The following MYH9 variants were observed in gnomAD, a reference collection of about 807,000 sequenced individuals.
The protein encoded by MYH9 is myosin-9.
A neutral mutation model predicts 241.9 loss-of-function variants in MYH9; 29 were observed. The observed-to-expected ratio is 0.12, with a 90% CI of 0.09 to 0.16. The LOEUF (loss-of-function observed/expected upper bound fraction) is 0.16. MYH9 is among the 10% of genes least tolerant of loss of function. The pLI, the probability that MYH9 is intolerant of heterozygous loss-of-function variation, is 1.00. For missense variants in MYH9, 1,803 were observed against 2,595.5 expected, an observed-to-expected ratio of 0.69 and a Z score of 6.63; for synonymous variants, 1,047 against 1,062.6, an observed-to-expected ratio of 0.99 and a Z score of 0.29.
intron 3 of MYH9, among the ~76,000 whole-genome samples, chr22:36,336,252 G>C (rs2017496863): frequency 6.6e-6 from 1 of 152,186 alleles, no homozygotes; most frequent in Non-Finnish European, 1.5e-5. Context: ...GAGATAACTG[G>C]GCTCATGTCA....
At chr22:36,289,389 C>T in intron 31 of MYH9, 92 bp from the exon 32 acceptor site, 1 of 1,241,060 alleles carries the variant, frequency 8.1e-7, no homozygotes, top group Non-Finnish European at 1.1e-6. Context: ...AGGAGGAGCC[C>T]AGAGGCCACG....
In MYH9 at chr22:36,294,252, C is replaced by A. The variant is rs200697030; in HGVS notation, c.3677G>T (p.Arg1226Leu). The change falls in exon 28 of 41, where the codon CGG (arginine) becomes CTG (leucine). Residue 1226 changes from arginine (R) to leucine (L), a missense_variant. Arg to Leu is a moderately radical substitution (Grantham distance 102, BLOSUM62 -2). Coordinates refer to ENST00000216181, the MANE Select transcript of MYH9 (RefSeq NM_002473.6). ...EKAKQTLENE[R>L]GELANEVKVL... is the part of the protein sequence containing the mutation. ...CTTCACCTCGTTGGCCAGCTCCCCCCGCTCGTTCTCCAGAGTCTGCTTTGC... is the reference window on the plus strand; with the variant it reads ...CTTCACCTCGTTGGCCAGCTCCCCCAGCTCGTTCTCCAGAGTCTGCTTTGC... 118 of 1,614,024 alleles carry A rather than the reference C, an allele frequency of 7.3e-5. No individual in the cohort carries two copies. Among genetic ancestry groups the A allele is most frequent in the Middle Eastern group, 4.9e-4 (3 of 6,084 alleles).
chr22:36,310,884 G>C (rs2146353343), intron 14 of MYH9, among the ~76,000 whole-genome samples: 1 of 152,026 alleles, frequency 6.6e-6, no homozygotes, highest in Non-Finnish European at 1.5e-5. Flanking sequence ...AGGAGGCTCG[G>C]GAAACATTCC....
intron 40 of MYH9, 151 bp downstream of exon 40, chr22:36,283,942 C>A (rs2016535086): frequency 2.1e-6 from 2 of 933,504 alleles, no homozygotes; most frequent in African/African-American, 3.2e-5. Flanking sequence ...AAGCTAAAGC[C>A]TCAAAGGCAA....
intron 1 of MYH9, among the ~76,000 whole-genome samples, chr22:36,378,901 C>T (rs1381982280): frequency 2.6e-5 from 4 of 151,752 alleles, no homozygotes; most frequent in East Asian, 1.9e-4. Flanking sequence ...TGGGTATGAG[C>T]GAAACCAGGG....
At chr22:36,316,484 G>A in intron 12 of MYH9, 33 bp downstream of exon 12, 1 of 1,614,018 alleles carries the variant, frequency 6.2e-7, no homozygotes, top group Non-Finnish European at 8.5e-7. Flanking sequence ...GGCCAAGGAG[G>A]CAGCAGGGTG....
At chr22:36,386,857 G>A (rs896301880) in intron 1 of MYH9, among the ~76,000 whole-genome samples, 2 of 152,278 alleles carry the variant, frequency 1.3e-5, no homozygotes, top group Non-Finnish European at 2.9e-5. Context: ...CCCAGCACAG[G>A]GAAGCGGGTG....
At chr22:36,383,565 G>A (rs1274374777) in intron 1 of MYH9, among the ~76,000 whole-genome samples, 1 of 151,630 alleles carries the variant, frequency 6.6e-6, no homozygotes, top group Non-Finnish European at 1.5e-5. Flanking sequence ...AAAGAACACC[G>A]AGCTAGAAGC....
chr22:36,284,332 A>G lies in MYH9; in HGVS notation c.5593-67T>C. ...TCTGGGCGTGCAGCCAGTCAGCCCC[A>G]CTGCCCTGCCTGTCACCCCATCTGC... is the stretch of plus-strand genomic sequence containing the variant. On this transcript the variant is annotated intron_variant, in intron 39 of 40. Transcript: ENST00000216181. 1.4e-5 allele frequency: 23 copies of G among 1,604,502 alleles called. No individual in the cohort carries two copies. In the South Asian group the frequency reaches 2.2e-4, roughly 15 times the overall value.
intron 24 of MYH9, chr22:36,297,259 CTAA>C: frequency 1.8e-6 from 1 of 554,242 alleles, no homozygotes; most frequent in Non-Finnish European, 3.2e-6. Flanking sequence ...AAGTACTCTC[CTAA>C]AGCTGGTGTT....
chr22:36,294,297 A>C lies in MYH9; in HGVS notation c.3632T>G (p.Val1211Gly). 6.2e-7 allele frequency: 1 copy of C among 1,613,548 alleles called. No individual in the cohort carries two copies. Among genetic ancestry groups the C allele is most frequent in the African/African-American group, 1.3e-5 (1 of 75,014 alleles). ...CTTTGCCTTCTCGAGGTTTGCTTTC[A>C]CCTAGCAGGGAAGAAAGCAAAGACG... Reference protein sequence around the residue: ...LAEQLEQTKRVKANLEKAKQT... With the variant: ...LAEQLEQTKRGKANLEKAKQT... Residue 1211 changes from valine to glycine, a missense_variant and splice_region_variant, in exon 28 of 41, where the codon GTG becomes GGG. Val to Gly is a moderately radical substitution (Grantham distance 109). Coordinates refer to ENST00000216181, the MANE Select transcript of MYH9 (RefSeq NM_002473.6).
In MYH9 at chr22:36,345,970, AACCCCG is replaced by A. The variant is rs1186500455; in HGVS notation, c.333+2928_333+2933del. Reference sequence around the variant, plus strand: ...CAGACCAGCCTGGCCAATATGGGGAAACCCCGTCTTTACTAAAAATACAAAAATTAG... The same window carrying A: ...CAGACCAGCCTGGCCAATATGGGGAATCTTTACTAAAAATACAAAAATTAG... On this transcript the variant is annotated intron_variant, in intron 2 of 40. Coordinates refer to ENST00000216181, the MANE Select transcript of MYH9 (RefSeq NM_002473.6). Among the ~76,000 whole-genome samples the A allele has an allele frequency of 2.6e-4, 40 of 152,274 alleles. 1 individual carries two copies. In the South Asian group the frequency reaches 7.1e-3, roughly 27 times the overall value.
intron 14 of MYH9, among the ~76,000 whole-genome samples, chr22:36,310,880 C>A (rs961240647): frequency 1.3e-5 from 2 of 151,890 alleles, no homozygotes; most frequent in Non-Finnish European, 2.9e-5. Context: ...AGAAAGGAGG[C>A]TCGGGAAACA....
At chr22:36,316,977 G>A (rs2017163339) in intron 11 of MYH9, among the ~76,000 whole-genome samples, 1 of 151,918 alleles carries the variant, frequency 6.6e-6, no homozygotes. Context: ...GTGGTCTACG[G>A]CCGTACCACC....
intron 1 of MYH9, among the ~76,000 whole-genome samples, chr22:36,369,731 T>C (rs1270765978): frequency 2.0e-5 from 3 of 152,240 alleles, no homozygotes; most frequent in African/African-American, 7.2e-5. Flanking sequence ...TCACAACTAT[T>C]GTCCACATAG....
chr22:36,327,759 C>T (rs1225617601), intron 3 of MYH9, among the ~76,000 whole-genome samples: 2 of 152,234 alleles, frequency 1.3e-5, no homozygotes, highest in African/African-American at 4.8e-5. Context: ...CTGTGTCTCC[C>T]ACCTTAGAGG....
chr22:36,385,190 T>C (rs1053891662), intron 1 of MYH9, among the ~76,000 whole-genome samples: 27 of 151,816 alleles, frequency 1.8e-4, no homozygotes, highest in Admixed American at 1.3e-4. Flanking sequence ...CTCTTTTTCC[T>C]TTGCTTTGGG....
chr22:36,359,048 T>C (rs2017897566), intron 1 of MYH9, among the ~76,000 whole-genome samples: 1 of 152,174 alleles, frequency 6.6e-6, no homozygotes, highest in Admixed American at 6.5e-5. Context: ...GAAGTGTCCT[T>C]TGTATTAGGA....
At chr22:36,354,924 ACCACTT>A (rs1210113378) in intron 1 of MYH9, among the ~76,000 whole-genome samples, 1 of 149,962 alleles carries the variant, frequency 6.7e-6, no homozygotes, top group Non-Finnish European at 1.5e-5. Flanking sequence ...ATCATCATCT[ACCACTT>A]AAAAAAACAA....
Sources: gnomAD v4.1 joint callset for allele counts (sites outside exome capture counted in the v4.1 genomes callset) on GRCh38, gnomAD v4.1.1 for gene constraint, MANE v1.5 for transcripts, NCBI Gene and HGNC (gene_info 2026-07-23, HGNC 2026-07-21) for gene names.